The following RBFOX1 variants were observed in gnomAD, a reference collection of about 807,000 sequenced individuals.
The protein encoded by RBFOX1 is RNA binding protein fox-1 homolog 1.
Under a neutral mutation model 57.7 loss-of-function variants are expected in RBFOX1, and 8 were observed. The ratio of observed to expected loss-of-function variants is 0.14; its 90% CI spans 0.08 to 0.25. The LOEUF (loss-of-function observed/expected upper bound fraction) is 0.25, where lower values mean the gene tolerates loss of function less well. Ranked by LOEUF, RBFOX1 falls within the 10% of genes least tolerant of loss-of-function variation. RBFOX1 has a pLI of 1.00. For synonymous variants in RBFOX1, 326 were observed against 222.4 expected (o/e 1.47, Z -4.15); for missense variants, 611 against 548.5 (o/e 1.11, Z -1.14).
intron 1 of RBFOX1, among the ~76,000 whole-genome samples, chr16:6,050,524 C>T (rs914679148): frequency 2.6e-5 from 4 of 152,226 alleles, no homozygotes; most frequent in South Asian, 2.1e-4. Flanking sequence ...GTACATTGAT[C>T]GATTGTCTCC....
intron 5 of RBFOX1, among the ~76,000 whole-genome samples, chr16:7,563,124 C>T (rs2090815938): frequency 6.6e-6 from 1 of 152,132 alleles, no homozygotes; most frequent in Admixed American, 6.5e-5. Context: ...TATTAGAATC[C>T]TCTTGTCTGA....
rs545465975 is a variant in RBFOX1 at position 5,471,330 on chromosome 16, A to G, written c.258+4076A>G. Among the ~76,000 whole-genome samples, 3 of 152,292 alleles carry G rather than the reference A, an allele frequency of 2.0e-5. No homozygotes were observed. The South Asian group carries it at 6.2e-4, about 32-fold the overall frequency. ...TTGAAAAACAGGTGATCTAGTCTCT[A>G]CAGTTGAGATGTTTTTTAACTGGCC... On this transcript the variant is annotated intron_variant, in intron 2 of 2. Coordinates refer to the RBFOX1 transcript ENST00000585867.
At chr16:7,406,285 GT>G (rs2098338924) in intron 4 of RBFOX1, among the ~76,000 whole-genome samples, 1 of 152,158 alleles carries the variant, frequency 6.6e-6, no homozygotes, top group Non-Finnish European at 1.5e-5. Flanking sequence ...CAAATACCTT[GT>G]TCATACGGTT....
chr16:7,545,379 T>C (rs1322532381), intron 5 of RBFOX1, among the ~76,000 whole-genome samples: 2 of 152,096 alleles, frequency 1.3e-5, no homozygotes, highest in Admixed American at 6.6e-5. Flanking sequence ...GCCAGGCCTC[T>C]GCCTTTATAT....
At chr16:6,717,675 G>A (rs950376507) in intron 3 of RBFOX1, among the ~76,000 whole-genome samples, 3 of 151,806 alleles carry the variant, frequency 2.0e-5, no homozygotes, top group African/African-American at 7.3e-5. Context: ...CTTCAGAGCT[G>A]ACAAGTGATA....
chr16:5,457,074 G>C (rs1043205715), intron 1 of RBFOX1, among the ~76,000 whole-genome samples: 1 of 152,160 alleles, frequency 6.6e-6, no homozygotes, highest in Non-Finnish European at 1.5e-5. Context: ...CTCGCTTCCT[G>C]GTTTGTGGAT....
chr16:7,223,200 G>A (rs1340661531), intron 4 of RBFOX1, among the ~76,000 whole-genome samples: 4 of 152,238 alleles, frequency 2.6e-5, no homozygotes. Flanking sequence ...TTATGGCAGT[G>A]TCAGCCTAAG....
Position 6,313,172 on chromosome 16 carries a change from C to T in RBFOX1, c.-126-3823C>T, listed in dbSNP as rs562712615. Among the ~76,000 whole-genome samples the T allele has an allele frequency of 7.2e-5, 11 of 152,164 alleles. No homozygotes were observed. In the South Asian group the frequency reaches 8.3e-4, roughly 11 times the overall value. ...TGGGAAAGTCCATGGTGCTGGTACCCGGGACTGGGGGGAAGTGTGATCTCC... is the reference window on the plus strand; with the variant it reads ...TGGGAAAGTCCATGGTGCTGGTACCTGGGACTGGGGGGAAGTGTGATCTCC... On this transcript the variant is annotated intron_variant, in intron 1 of 15. Coordinates refer to ENST00000550418, the MANE Select transcript of RBFOX1 (RefSeq NM_018723.4).
intron 3 of RBFOX1, among the ~76,000 whole-genome samples, chr16:6,861,823 GTTTTTTTT>G (rs35138717): frequency 1.1e-5 from 1 of 92,458 alleles, no homozygotes; most frequent in Non-Finnish European, 1.9e-5. Context: ...GCGTCCCTTG[GTTTTTTTT>G]TTTTTTTTTT....
Position 7,674,832 on chromosome 16 carries a change from G to T in RBFOX1, c.931-1942G>T, listed in dbSNP as rs114253603. ...GCAATTCTTCCCATTTATCGGACTCGCTGCCTTCTTCCATTGACTGAAACT... is the reference window on the plus strand; with the variant it reads ...GCAATTCTTCCCATTTATCGGACTCTCTGCCTTCTTCCATTGACTGAAACT... On this transcript the variant is annotated intron_variant, in intron 13 of 15. Transcript: ENST00000550418. Among the ~76,000 whole-genome samples, 679 of 152,268 alleles carry T rather than the reference G, an allele frequency of 4.5e-3. 5 individuals are homozygous for T. Among genetic ancestry groups the T allele is most frequent in the African/African-American group, 0.016 (654 of 41,542 alleles).
At chr16:5,328,997 G>C (rs546926635) in intron 1 of RBFOX1, among the ~76,000 whole-genome samples, 1 of 152,170 alleles carries the variant, frequency 6.6e-6, no homozygotes, top group Non-Finnish European at 1.5e-5. Flanking sequence ...GTCTAAGCTA[G>C]CTTATTAATA....
chr16:6,820,645 C>A (rs1166981317), intron 3 of RBFOX1, among the ~76,000 whole-genome samples: 2 of 150,342 alleles, frequency 1.3e-5, no homozygotes, highest in Non-Finnish European at 3.0e-5. Flanking sequence ...AGTGACAGAG[C>A]AAGACCCTGT....
At chr16:5,639,581 C>G (rs1157246480) in intron 3 of RBFOX1, among the ~76,000 whole-genome samples, 1 of 152,172 alleles carries the variant, frequency 6.6e-6, no homozygotes, top group African/African-American at 2.4e-5. Flanking sequence ...CACTCTCCAT[C>G]ACTCTCTATC....
chr16:5,912,574 C>G (rs748800164), intron 4 of RBFOX1, among the ~76,000 whole-genome samples: 2 of 152,190 alleles, frequency 1.3e-5, no homozygotes, highest in Non-Finnish European at 2.9e-5. Flanking sequence ...CTCATGACCT[C>G]TTGTTTTTAC....
At chr16:7,505,549 A>G (rs546806528) in intron 4 of RBFOX1, among the ~76,000 whole-genome samples, 12 of 152,374 alleles carry the variant, frequency 7.9e-5, no homozygotes, top group South Asian at 6.2e-4. Flanking sequence ...ACAGAGTACC[A>G]TAAATATTTT....
intron 4 of RBFOX1, among the ~76,000 whole-genome samples, chr16:5,882,084 A>C (rs2057778303): frequency 6.6e-6 from 1 of 152,228 alleles, no homozygotes; most frequent in Non-Finnish European, 1.5e-5. Context: ...AATAGGAACT[A>C]GGTTCAGAGA....
intron 1 of RBFOX1, among the ~76,000 whole-genome samples, chr16:6,194,651 T>C (rs948620193): frequency 2.0e-5 from 3 of 152,220 alleles, no homozygotes; most frequent in African/African-American, 7.2e-5. Flanking sequence ...AGGCATTCTT[T>C]CCCTGAGTGC....
intron 2 of RBFOX1, among the ~76,000 whole-genome samples, chr16:6,600,116 A>C (rs4786107): frequency 0.41 from 62,876 of 151,926 alleles, 13,578 homozygotes; most frequent in Middle Eastern, 0.54. Context: ...CATTTTTCTC[A>C]CTTCCCTTAC....
intron 4 of RBFOX1, among the ~76,000 whole-genome samples, chr16:7,120,342 AT>A (rs71147657): frequency 0.38 from 57,124 of 151,530 alleles, 12,265 homozygotes; most frequent in African/African-American, 0.57. Flanking sequence ...TAAATGTAAG[AT>A]TAAAAAAATG....
Sources: allele counts gnomAD v4.1 joint callset (sites outside exome capture counted in the v4.1 genomes callset), GRCh38; gene constraint gnomAD v4.1.1; transcripts MANE v1.5; gene names NCBI Gene and HGNC (gene_info 2026-07-23, HGNC 2026-07-21).